The following HERC1 variants were observed in gnomAD, a reference collection of about 807,000 sequenced individuals.
HERC1 encodes the protein HECT and RLD domain containing E3 ubiquitin protein ligase family member 1, also known as probable E3 ubiquitin-protein ligase HERC1.
HERC1 carries 160 observed loss-of-function variants against 554.3 expected under a neutral mutation model. That is an observed-to-expected ratio of 0.29 (90% confidence interval 0.25 to 0.33). The LOEUF is 0.33. HERC1 is among the 10% of genes least tolerant of loss of function. The probability of loss-of-function intolerance (pLI) is 1.00; values close to 1 mark genes in which losing one functional copy is unlikely to be tolerated. For synonymous variants in HERC1, 2,175 were observed against 2,131.7 expected, an observed-to-expected ratio of 1.02 and a Z score of -0.56; for missense variants, 4,919 against 5,918.5, an observed-to-expected ratio of 0.83 and a Z score of 5.54.
Position 63,723,176 on chromosome 15 carries a change from T to G in HERC1, c.3742+6A>C. 1 of 1,436,432 alleles carries G rather than the reference T, an allele frequency of 7.0e-7. No individual in the cohort carries two copies. 89.0% of individuals were successfully genotyped at this position (1,436,432 alleles called of 1,614,324 possible). A position where few individuals can be genotyped will look rare whatever the true frequency, so the allele number is the denominator to read the frequency against. ...AAATTTACTCCCTTTATCTTCTTTA[T>G]CTTACCTTTACTAACAGCATAGTCC... On this transcript the variant is annotated splice_donor_region_variant and intron_variant, in intron 19 of 77. Transcript: ENST00000443617.
At chr15:63,717,770 G>C (rs980729681) in intron 21 of HERC1, among the ~76,000 whole-genome samples, 7 of 152,152 alleles carry the variant, frequency 4.6e-5, no homozygotes, top group African/African-American at 1.7e-4. Context: ...TACTCGGGAG[G>C]CTGAGGCAGG....
In HERC1 at chr15:63,729,654, A is replaced by G. The variant is rs61751109; in HGVS notation, c.2869-5T>C. The G allele has an allele frequency of 4.3e-3, 6,998 of 1,613,198 alleles. 29 individuals carry two copies. Among genetic ancestry groups the G allele is most frequent in the Non-Finnish European group, 4.5e-3 (5,252 of 1,179,312 alleles). On this transcript the variant is annotated splice_polypyrimidine_tract_variant and splice_region_variant and intron_variant, in intron 14 of 77. Coordinates refer to ENST00000443617, the MANE Select transcript of HERC1 (RefSeq NM_003922.4). ...TAGCTCTCCAAATGCTTGATCCTAAAATGACACACAAAGGAAGTTTATATT... is the reference window on the plus strand; with the variant it reads ...TAGCTCTCCAAATGCTTGATCCTAAGATGACACACAAAGGAAGTTTATATT...
Position 63,758,625 on chromosome 15 carries a change from T to G in HERC1, c.1027-256A>C, listed in dbSNP as rs1251142116. Among the ~76,000 whole-genome samples the G allele has an allele frequency of 1.3e-5, 2 of 151,388 alleles. No homozygotes were observed. Among genetic ancestry groups the G allele is most frequent in the African/African-American group, 2.4e-5 (1 of 41,386 alleles). On this transcript the variant is annotated intron_variant, in intron 3 of 77. Transcript: ENST00000443617. This position sits in a 1 kb window ranked among gnomAD's most constrained non-coding sequence, Gnocchi z 4.0. The stretch of plus-strand genomic sequence containing the variant: ...CATTTTATTACTGCATACAAAACAC[T>G]GTAGAAAAACAAAGCTTAAGAAATA...
intron 1 of HERC1, among the ~76,000 whole-genome samples, chr15:63,818,933 C>A (rs1433428912): frequency 1.3e-5 from 2 of 152,228 alleles, no homozygotes; most frequent in Non-Finnish European, 2.9e-5. Context: ...TATTATAGTG[C>A]TGCCATTAGA....
chr15:63,620,667 T>G (rs1389388995), intron 74 of HERC1, among the ~76,000 whole-genome samples: 3 of 151,970 alleles, frequency 2.0e-5, no homozygotes, highest in Non-Finnish European at 2.9e-5. Context: ...GGTTTATCAA[T>G]CTGGGTGCTC....
intron 70 of HERC1, among the ~76,000 whole-genome samples, chr15:63,626,811 A>G (rs1243197019): frequency 6.6e-6 from 1 of 152,226 alleles, no homozygotes; most frequent in East Asian, 1.9e-4. Context: ...TCCTAGATTT[A>G]TTATTATTGT....
chr15:63,744,815 G>A (rs1236631620), intron 12 of HERC1, among the ~76,000 whole-genome samples: 2 of 152,102 alleles, frequency 1.3e-5, no homozygotes, highest in African/African-American at 2.4e-5. Flanking sequence ...CTGGAATCAG[G>A]GATCCCAAGA....
At chr15:63,717,410 G>A (rs1413692938) in intron 21 of HERC1, among the ~76,000 whole-genome samples, 1 of 152,172 alleles carries the variant, frequency 6.6e-6, no homozygotes, top group Non-Finnish European at 1.5e-5. Flanking sequence ...CAAAGCATCT[G>A]ATTAGTTAAG....
At chr15:63,806,638 G>A (rs1436155646) in intron 1 of HERC1, among the ~76,000 whole-genome samples, 1 of 152,224 alleles carries the variant, frequency 6.6e-6, no homozygotes, top group African/African-American at 2.4e-5. Context: ...CATTGTAGAA[G>A]AGGAATTAAT....
intron 48 of HERC1, among the ~76,000 whole-genome samples, chr15:63,657,533 G>A (rs1022199460): frequency 6.6e-6 from 1 of 151,942 alleles, no homozygotes; most frequent in Non-Finnish European, 1.5e-5. Flanking sequence ...ACATTCTGTT[G>A]GTTAGATGCA....
In HERC1 at chr15:63,805,209, T is replaced by C. The variant is rs2077100757; in HGVS notation, c.-27+28618A>G. On this transcript the variant is annotated intron_variant, in intron 1 of 77. Coordinates refer to ENST00000443617, the MANE Select transcript of HERC1 (RefSeq NM_003922.4). ...ATCTGATGAATGAATAGGTACATCA[T>C]AATATATGCATACAATGGCATACTA... 1.3e-5 allele frequency among the ~76,000 whole-genome samples: 2 copies of C among 152,260 alleles called. 1 individual carries two copies. Among genetic ancestry groups the C allele is most frequent in the South Asian group, 4.1e-4 (2 of 4,826 alleles).
chr15:63,833,757 A>ACACACACACACACGCGCG (rs2078254421), intron 1 of HERC1, 70 bp downstream of exon 1: 1 of 92,730 alleles, frequency 1.1e-5, no homozygotes, highest in Non-Finnish European at 2.6e-5. Context: ...GCGCGCGCAC[A>ACACACACACACACGCGCG]CACACACACA....
chr15:63,630,365 T>G, intron 69 of HERC1, 101 bp downstream of exon 69: 2 of 1,133,628 alleles, frequency 1.8e-6, no homozygotes, highest in Admixed American at 2.1e-5. Flanking sequence ...CTTGGAGTAT[T>G]GCAGTAGATT....
chr15:63,756,506 C>T lies in HERC1; in HGVS notation c.1464G>A (p.Gly488=), dbSNP rs1218914004. ...EVFSWGDGDY[G]KLGHGNSSTQ... is the part of the protein sequence containing the mutation. ...TTGAACTATTTCCATGCCCCAGTTT[C>T]CCATAATCACCATCTCCCCAACTGA... The change falls in exon 5 of 78, where the codon GGG becomes GGA. Residue 488 remains glycine, a synonymous_variant. Transcript: ENST00000443617. This position sits in a 1 kb window ranked among gnomAD's most constrained non-coding sequence, Gnocchi z 5.0. 3 of 1,613,858 alleles carry T rather than the reference C, an allele frequency of 1.9e-6. No individual in the cohort carries two copies. The African/African-American group carries it at 4.0e-5, about 22-fold the overall frequency.
At position 63,775,360 on chromosome 15, in the gene HERC1, T is replaced by C. The variant is rs972578704; in HGVS notation, c.264A>G (p.Ala88=). The change falls in exon 2 of 78, where the codon GCA becomes GCG. Residue 88 remains alanine (A), a synonymous_variant. Transcript: ENST00000443617. The surrounding 1 kb of genome is among the most constrained non-coding windows in gnomAD (Gnocchi z 4.0). ...AATCTGAACATACCATCTTTGCCAATGCTAGCTGGCTGCTAAGAAGGGCAT... is the reference window on the plus strand; with the variant it reads ...AATCTGAACATACCATCTTTGCCAACGCTAGCTGGCTGCTAAGAAGGGCAT... The part of the protein sequence containing the change: ...YLDALLSSQL[A]LAKMVCSDSP... 3 of 1,613,942 alleles carry C rather than the reference T, an allele frequency of 1.9e-6. No individual in the cohort carries two copies. Among genetic ancestry groups the C allele is most frequent in the South Asian group, 1.1e-5 (1 of 91,080 alleles).
intron 66 of HERC1, 35 bp downstream of exon 66, chr15:63,634,698 G>C (rs965460303): frequency 7.6e-6 from 12 of 1,571,452 alleles, no homozygotes; most frequent in Non-Finnish European, 1.0e-5. Context: ...GAGAAACAAT[G>C]ATCAGCTAGA....
chr15:63,817,574 G>A (rs2077533994), intron 1 of HERC1, among the ~76,000 whole-genome samples: 1 of 152,130 alleles, frequency 6.6e-6, no homozygotes, highest in Non-Finnish European at 1.5e-5. Context: ...AATTAGCCGG[G>A]CGGGGCAGCA....
intron 1 of HERC1, among the ~76,000 whole-genome samples, chr15:63,783,405 T>C (rs2076344486): frequency 6.6e-6 from 1 of 151,792 alleles, no homozygotes; most frequent in Non-Finnish European, 1.5e-5. Context: ...CAGCATTTTT[T>C]AGCAAAAAAA....
intron 74 of HERC1, among the ~76,000 whole-genome samples, chr15:63,620,431 G>T (rs918344591): frequency 6.6e-6 from 1 of 151,938 alleles, no homozygotes; most frequent in African/African-American, 2.4e-5. Flanking sequence ...GTCAATTTTG[G>T]AATAGGTGTG....
Sources: allele counts gnomAD v4.1 joint callset (sites outside exome capture counted in the v4.1 genomes callset), GRCh38; gene constraint gnomAD v4.1.1; non-coding constraint Gnocchi (gnomAD v3.1); transcripts MANE v1.5; gene names NCBI Gene and HGNC (gene_info 2026-07-23, HGNC 2026-07-21).